Variants in BICD1 observed in about 807,000 individuals in gnomAD.
BICD1 encodes protein bicaudal D homolog 1.
BICD1 carries 35 observed loss-of-function variants against 92.5 expected under a neutral mutation model. That is an observed-to-expected ratio of 0.38 (90% confidence interval 0.29 to 0.50). The LOEUF is 0.50. BICD1 is among the 20% of genes least tolerant of loss of function. The probability of loss-of-function intolerance (pLI) is 0.93; values close to 1 mark genes in which losing one functional copy is unlikely to be tolerated. For missense variants in BICD1, 950 were observed against 1,189.8 expected, an observed-to-expected ratio of 0.80 and a Z score of 2.97; for synonymous variants, 429 against 465.1, an observed-to-expected ratio of 0.92 and a Z score of 1.00.
At chr12:32,377,325 A>T (rs757411401) in intron 9 of BICD1, among the ~76,000 whole-genome samples, 3 of 152,198 alleles carry the variant, frequency 2.0e-5, no homozygotes, top group Non-Finnish European at 2.9e-5. Flanking sequence ...GGAAGAGTGC[A>T]TATATCATTT....
intron 1 of BICD1, among the ~76,000 whole-genome samples, chr12:32,118,615 G>A (rs1403508549): frequency 6.6e-6 from 1 of 152,158 alleles, no homozygotes; most frequent in Non-Finnish European, 1.5e-5. Context: ...ATGATTTAAT[G>A]TATACTGGAG....
At chr12:32,125,136 AC>A (rs1942283708) in intron 1 of BICD1, among the ~76,000 whole-genome samples, 1 of 137,438 alleles carries the variant, frequency 7.3e-6, no homozygotes, top group Non-Finnish European at 1.6e-5. Context: ...TGGTTTGGGC[AC>A]CCACTGTCCT....
At chr12:32,331,185 A>T (rs1937852649) in intron 5 of BICD1, among the ~76,000 whole-genome samples, 1 of 152,200 alleles carries the variant, frequency 6.6e-6, no homozygotes, top group Non-Finnish European at 1.5e-5. Context: ...ATAGATAAGG[A>T]CACTTGGCCA....
At chr12:32,225,921 C>T (rs1310012500) in intron 2 of BICD1, among the ~76,000 whole-genome samples, 1 of 151,948 alleles carries the variant, frequency 6.6e-6, no homozygotes, top group Non-Finnish European at 1.5e-5. Flanking sequence ...CACGCCTGGC[C>T]TTGACAGTAT....
chr12:32,212,286 T>G (rs1417503995), intron 1 of BICD1, among the ~76,000 whole-genome samples: 2 of 152,192 alleles, frequency 1.3e-5, no homozygotes, highest in Non-Finnish European at 2.9e-5. Context: ...TTTTTATAAG[T>G]TGTTTCTTAC....
At chr12:32,348,723 AATATATATATAT>A (rs11272207) in intron 8 of BICD1, among the ~76,000 whole-genome samples, 3,149 of 115,942 alleles carry the variant, frequency 0.027, 107 homozygotes, top group Non-Finnish European at 0.042. Flanking sequence ...CTCACACAAA[AATATATATATAT>A]ATATATATAT....
At chr12:32,238,173 C>A (rs2632360) in intron 2 of BICD1, among the ~76,000 whole-genome samples, 63,457 of 151,952 alleles carry the variant, frequency 0.42, 14,739 homozygotes, top group Non-Finnish European at 0.51. Context: ...AAGGCTGAAG[C>A]GGGTGGATCA....
intron 8 of BICD1, among the ~76,000 whole-genome samples, chr12:32,342,204 G>GTGTGTATA (rs375823999): frequency 2.5e-5 from 3 of 119,312 alleles, no homozygotes; most frequent in Non-Finnish European, 5.0e-5. Flanking sequence ...GTGTGTGTGT[G>GTGTGTATA]TATATATATA....
At chr12:32,293,014 G>A (rs1947764485) in intron 2 of BICD1, among the ~76,000 whole-genome samples, 1 of 151,852 alleles carries the variant, frequency 6.6e-6, no homozygotes. Context: ...ATACAAGCTT[G>A]TTGTTAAAAA....
intron 2 of BICD1, among the ~76,000 whole-genome samples, chr12:32,236,350 A>G (rs372861758): frequency 6.6e-6 from 1 of 151,952 alleles, no homozygotes; most frequent in Non-Finnish European, 1.5e-5. Context: ...AGCCAAGATC[A>G]TGCCACTGCA....
intron 2 of BICD1, among the ~76,000 whole-genome samples, chr12:32,235,979 T>A (rs1419496782): frequency 1.3e-5 from 2 of 150,376 alleles, no homozygotes; most frequent in African/African-American, 2.4e-5. Context: ...ATTACAGGCG[T>A]GAGCCACTGC....
chr12:32,212,127 T>G (rs1057377262), intron 1 of BICD1, among the ~76,000 whole-genome samples: 47 of 152,244 alleles, frequency 3.1e-4, no homozygotes, highest in African/African-American at 1.1e-3. Flanking sequence ...TCTGTCTCAC[T>G]GATGCTTAGG....
At chr12:32,194,130 G>A (rs1944655031) in intron 1 of BICD1, among the ~76,000 whole-genome samples, 1 of 152,246 alleles carries the variant, frequency 6.6e-6, no homozygotes, top group Admixed American at 6.5e-5. Flanking sequence ...TGCAGAAAAA[G>A]TATTTGACAA....
intron 8 of BICD1, chr12:32,354,283 A>G (rs1384705964): frequency 1.3e-5 from 2 of 152,220 alleles, no homozygotes; most frequent in Admixed American, 6.5e-5. Flanking sequence ...GCATGCTCTC[A>G]TTCTACATCG....
intron 1 of BICD1, among the ~76,000 whole-genome samples, chr12:32,133,443 G>A (rs1047193420): frequency 6.6e-6 from 1 of 151,720 alleles, no homozygotes; most frequent in Admixed American, 6.6e-5. Context: ...AGCCAAGATC[G>A]TGCCACTGCA....
At chr12:32,251,918 C>A (rs1946530724) in intron 2 of BICD1, among the ~76,000 whole-genome samples, 1 of 145,486 alleles carries the variant, frequency 6.9e-6, no homozygotes, top group Admixed American at 7.3e-5. Flanking sequence ...GTTCATATTT[C>A]CACACGGTTT....
chr12:32,260,071 T>A (rs1946817858), intron 2 of BICD1, among the ~76,000 whole-genome samples: 1 of 151,854 alleles, frequency 6.6e-6, no homozygotes. Flanking sequence ...ATTACAGGCA[T>A]GCACCACCAC....
chr12:32,123,494 C>T (rs1942224965), intron 1 of BICD1, among the ~76,000 whole-genome samples: 1 of 152,238 alleles, frequency 6.6e-6, no homozygotes, highest in African/African-American at 2.4e-5. Context: ...ATGGCATTCT[C>T]TTCCTTCCCA....
chr12:32,306,211 C>A, intron 4 of BICD1, 89 bp downstream of exon 4: 1 of 1,252,854 alleles, frequency 8.0e-7, no homozygotes, highest in Non-Finnish European at 1.1e-6. Context: ...CATTTCACTT[C>A]TAGATTTCTT....
Sources: allele counts gnomAD v4.1 joint callset (sites outside exome capture counted in the v4.1 genomes callset), GRCh38; gene constraint gnomAD v4.1.1; transcripts MANE v1.5; gene names NCBI Gene and HGNC (gene_info 2026-07-23, HGNC 2026-07-21).